PRR16: variants seen among roughly 807,000 people sequenced by gnomAD.
The protein encoded by PRR16 is protein Largen.
In PRR16, 6 loss-of-function variants were observed where a neutral mutation model predicts 18.2. The ratio of observed to expected loss-of-function variants is 0.33; its 90% CI spans 0.18 to 0.65. PRR16 has a LOEUF of 0.65. Ranked by LOEUF, PRR16 falls within the 30% of genes least tolerant of loss-of-function variation. PRR16 has a pLI of 0.74. For synonymous variants in PRR16, 151 were observed against 147.8 expected (o/e 1.02, Z -0.16); for missense variants, 412 against 376.6 (o/e 1.09, Z -0.78).
At chr5:120,710,745 A>C in the PRR16 span, 1 of 152,212 alleles carries the variant, frequency 6.6e-6, no homozygotes, top group African/African-American at 2.4e-5. Flanking sequence ...TCAGACTTCA[A>C]GTCATCATGG....
intron 1 of PRR16, among the ~76,000 whole-genome samples, chr5:120,545,940 T>G (rs1466491219): frequency 6.6e-6 from 1 of 152,128 alleles, no homozygotes; most frequent in Non-Finnish European, 1.5e-5. Flanking sequence ...TTTGTATTGA[T>G]TTTGATAGCA....
chr5:120,732,354 C>T, the PRR16 span, among the ~76,000 whole-genome samples: 1 of 152,118 alleles, frequency 6.6e-6, no homozygotes, highest in Non-Finnish European at 1.5e-5. Flanking sequence ...TTTGGTTGAT[C>T]TGAAGACGAG....
chr5:120,539,567 C>G (rs1433690690), intron 1 of PRR16, among the ~76,000 whole-genome samples: 1 of 151,868 alleles, frequency 6.6e-6, no homozygotes, highest in Non-Finnish European at 1.5e-5. Context: ...GGGTATTATA[C>G]TGATTACCAG....
chr5:120,556,976 G>GT (rs1752434379), intron 1 of PRR16, among the ~76,000 whole-genome samples: 1 of 151,462 alleles, frequency 6.6e-6, no homozygotes, highest in South Asian at 2.1e-4. Context: ...TCTAGGGTAT[G>GT]TTTATTTTAG....
chr5:120,794,006 G>A, the PRR16 span, among the ~76,000 whole-genome samples: 3 of 152,202 alleles, frequency 2.0e-5, no homozygotes, highest in East Asian at 5.8e-4. Context: ...GTGGTTCCTT[G>A]TTAATAGAAT....
intron 1 of PRR16, among the ~76,000 whole-genome samples, chr5:120,625,369 G>T (rs904939666): frequency 4.6e-5 from 7 of 152,050 alleles, no homozygotes; most frequent in African/African-American, 1.7e-4. Context: ...TTGCTGTGTT[G>T]CCCAGGCTGG....
chr5:120,741,056 T>C, the PRR16 span, among the ~76,000 whole-genome samples: 1 of 152,014 alleles, frequency 6.6e-6, no homozygotes, highest in Non-Finnish European at 1.5e-5. Flanking sequence ...CACTTGAAGA[T>C]ATTTCTTTAG....
chr5:120,656,184 G>A (rs1019671392), intron 1 of PRR16, among the ~76,000 whole-genome samples: 55 of 151,772 alleles, frequency 3.6e-4, no homozygotes, highest in African/African-American at 1.2e-3. Flanking sequence ...ATTATGAAAG[G>A]ATTTTACTGC....
intron 1 of PRR16, among the ~76,000 whole-genome samples, chr5:120,597,973 T>C (rs1180500762): frequency 1.3e-5 from 2 of 151,842 alleles, no homozygotes; most frequent in Non-Finnish European, 2.9e-5. Context: ...CAGTAATGAA[T>C]ATGGATTATG....
At chr5:120,724,868 T>A in the PRR16 span, among the ~76,000 whole-genome samples, 3 of 151,960 alleles carry the variant, frequency 2.0e-5, no homozygotes, top group Non-Finnish European at 2.9e-5. Context: ...ACTAATAAAC[T>A]GAGTTCAAGC....
the PRR16 span, among the ~76,000 whole-genome samples, chr5:120,780,312 TTTAA>T: frequency 8.5e-5 from 13 of 152,200 alleles, no homozygotes; most frequent in African/African-American, 3.1e-4. Context: ...AAATAAATGA[TTTAA>T]TTAATATTGC....
At chr5:120,542,475 A>T (rs933202245) in intron 1 of PRR16, among the ~76,000 whole-genome samples, 3 of 152,212 alleles carry the variant, frequency 2.0e-5, no homozygotes, top group Admixed American at 6.5e-5. Context: ...ATTAACATGG[A>T]TAAATTAATA....
intron 1 of PRR16, among the ~76,000 whole-genome samples, chr5:120,503,782 C>G (rs1445641979): frequency 6.7e-6 from 1 of 150,188 alleles, no homozygotes; most frequent in Non-Finnish European, 1.5e-5. Flanking sequence ...AATGCTATCC[C>G]TCCCCGCTCC....
At chr5:120,771,844 T>C in the PRR16 span, among the ~76,000 whole-genome samples, 13 of 152,138 alleles carry the variant, frequency 8.5e-5, no homozygotes, top group African/African-American at 1.7e-4. Context: ...AACACGACTT[T>C]ATATTATATG....
chr5:120,476,027 G>A (rs17146665), intron 1 of PRR16, among the ~76,000 whole-genome samples: 25,894 of 151,960 alleles, frequency 0.17, 2,434 homozygotes, highest in African/African-American at 0.24. Context: ...TTTCTTTCCC[G>A]CTGCCACCTC....
chr5:120,637,329 A>C (rs956379121), intron 1 of PRR16, among the ~76,000 whole-genome samples: 111 of 150,226 alleles, frequency 7.4e-4, no homozygotes, highest in African/African-American at 2.6e-3. Context: ...AAAAAAAAAA[A>C]AAAAAAAAAA....
At chr5:120,664,073 C>A (rs1485783596) in intron 1 of PRR16, among the ~76,000 whole-genome samples, 1 of 152,004 alleles carries the variant, frequency 6.6e-6, no homozygotes, top group African/African-American at 2.4e-5. Context: ...CCGAGGCGGG[C>A]AGATCACCTG....
At chr5:120,543,899 A>G (rs1751994777) in intron 1 of PRR16, among the ~76,000 whole-genome samples, 1 of 152,180 alleles carries the variant, frequency 6.6e-6, no homozygotes. Flanking sequence ...CTGTGAAATG[A>G]AAAGTTTAGA....
intron 1 of PRR16, among the ~76,000 whole-genome samples, chr5:120,526,229 T>G (rs1751341713): frequency 6.6e-6 from 1 of 152,134 alleles, no homozygotes; most frequent in Non-Finnish European, 1.5e-5. Flanking sequence ...ATGTAAGCTT[T>G]GCAGACTTTT....
Sources: gnomAD v4.1 joint callset for allele counts (sites outside exome capture counted in the v4.1 genomes callset) on GRCh38, gnomAD v4.1.1 for gene constraint, MANE v1.5 for transcripts, NCBI Gene and HGNC (gene_info 2026-07-23, HGNC 2026-07-21) for gene names.